CDH12: variants seen among roughly 807,000 people sequenced by gnomAD.
CDH12 encodes cadherin-12.
CDH12 carries 41 observed loss-of-function variants against 74.1 expected under a neutral mutation model. The observed-to-expected ratio is 0.55, with a 90% confidence interval of 0.43 to 0.72. The LOEUF (loss-of-function observed/expected upper bound fraction) is 0.72, where lower values mean the gene tolerates loss of function less well. Among genes scored for constraint, CDH12 ranks in the 30% least tolerant of loss-of-function variants. The pLI is 0.00. For synonymous variants in CDH12, 399 were observed against 355.0 expected (o/e 1.12, Z -1.39); for missense variants, 945 against 977.2 (o/e 0.97, Z 0.44).
At position 22,344,247 on chromosome 5, in the gene CDH12, G is replaced by T. The variant is rs1740011983; in HGVS notation, c.-333+61010C>A. The stretch of plus-strand genomic sequence containing the variant: ...TATACATTTTCAATTATTCTTGTGA[G>T]CCTTAAGGAAATCATGTTTGTTTTC... On this transcript the variant is annotated intron_variant, in intron 3 of 14. Transcript: ENST00000382254. Among the ~76,000 whole-genome samples the T allele has an allele frequency of 1.3e-5, 2 of 152,026 alleles. 1 individual carries two copies. Among genetic ancestry groups the T allele is most frequent in the South Asian group, 4.2e-4 (2 of 4,816 alleles).
chr5:22,545,420 T>C (rs116517029), intron 1 of CDH12, among the ~76,000 whole-genome samples: 3 of 152,180 alleles, frequency 2.0e-5, no homozygotes, highest in African/African-American at 2.4e-5. Flanking sequence ...AAATTTAATA[T>C]AGCAACAAAT....
chr5:22,563,312 G>C (rs1466210502), intron 1 of CDH12, among the ~76,000 whole-genome samples: 1 of 151,912 alleles, frequency 6.6e-6, no homozygotes, highest in African/African-American at 2.4e-5. Context: ...TTTTTGATTT[G>C]CATTTCTCTG....
At chr5:22,145,817 T>A (rs1390718948) in intron 4 of CDH12, among the ~76,000 whole-genome samples, 4 of 152,052 alleles carry the variant, frequency 2.6e-5, no homozygotes, top group Non-Finnish European at 4.4e-5. Context: ...AATTATCATC[T>A]TCACAGATGA....
chr5:22,759,716 C>T (rs1746108591), intron 1 of CDH12, among the ~76,000 whole-genome samples: 1 of 152,142 alleles, frequency 6.6e-6, no homozygotes, highest in Non-Finnish European at 1.5e-5. Context: ...ATGGTGTTAT[C>T]CCACTATTAG....
At chr5:22,654,252 C>CTCTT (rs1306649866) in intron 1 of CDH12, among the ~76,000 whole-genome samples, 6 of 134,384 alleles carry the variant, frequency 4.5e-5, no homozygotes, top group Non-Finnish European at 6.5e-5. Context: ...TTCTTTCTTT[C>CTCTT]TCTTTCTTGC....
rs898760118 is a variant in CDH12 at position 22,308,115 on chromosome 5, C to T, written c.-332-95472G>A. Among the ~76,000 whole-genome samples the T allele has an allele frequency of 4.0e-5, 6 of 151,876 alleles. No homozygotes were observed. In the South Asian group the frequency reaches 8.3e-4, roughly 21 times the overall value. Reference sequence around the variant, plus strand: ...CAGGATGGTCTTGATCTCCTGACCTCGTGATCTGCCCACCTCGGCCTCCCA... The same window carrying T: ...CAGGATGGTCTTGATCTCCTGACCTTGTGATCTGCCCACCTCGGCCTCCCA... On this transcript the variant is annotated intron_variant, in intron 3 of 14. Transcript: ENST00000382254.
At chr5:22,519,572 C>G (rs1056325314) in intron 1 of CDH12, among the ~76,000 whole-genome samples, 1 of 151,884 alleles carries the variant, frequency 6.6e-6, no homozygotes, top group Admixed American at 6.6e-5. Context: ...TACAGGCGCC[C>G]GTCACCACAC....
intron 5 of CDH12, among the ~76,000 whole-genome samples, chr5:22,014,490 T>C (rs570277654): frequency 9.2e-5 from 14 of 152,140 alleles, no homozygotes; most frequent in Non-Finnish European, 1.9e-4. Flanking sequence ...GAATGTATAT[T>C]GTGTGTATTC....
intron 4 of CDH12, among the ~76,000 whole-genome samples, chr5:22,141,715 G>A (rs1746808785): frequency 6.6e-6 from 1 of 152,108 alleles, no homozygotes; most frequent in Non-Finnish European, 1.5e-5. Flanking sequence ...AAAATATTTT[G>A]GAGTTAAAAA....
chr5:22,009,159 A>G (rs1011513388), intron 5 of CDH12, among the ~76,000 whole-genome samples: 1 of 152,106 alleles, frequency 6.6e-6, no homozygotes. Context: ...CGACTAATAT[A>G]CCCTGTTCTT....
At chr5:22,410,657 A>G (rs979451320) in intron 2 of CDH12, among the ~76,000 whole-genome samples, 2 of 152,104 alleles carry the variant, frequency 1.3e-5, no homozygotes, top group Non-Finnish European at 2.9e-5. Flanking sequence ...TCTCTAATTA[A>G]TCTGCCTTTT....
intron 1 of CDH12, among the ~76,000 whole-genome samples, chr5:22,803,517 A>G (rs892823684): frequency 7.2e-5 from 11 of 152,152 alleles, no homozygotes; most frequent in Middle Eastern, 3.2e-3. Context: ...TCAGACTCCA[A>G]GTTTTTGGTG....
At chr5:22,479,183 G>A (rs1473260457) in intron 2 of CDH12, among the ~76,000 whole-genome samples, 1 of 152,196 alleles carries the variant, frequency 6.6e-6, no homozygotes, top group Non-Finnish European at 1.5e-5. Context: ...AACTGCTGAA[G>A]ATAATAAGAT....
At chr5:22,220,553 T>C (rs1349071498) in intron 3 of CDH12, among the ~76,000 whole-genome samples, 1 of 151,422 alleles carries the variant, frequency 6.6e-6, no homozygotes, top group Non-Finnish European at 1.5e-5. Flanking sequence ...TTTTGGTGGT[T>C]GAGTGGTCAT....
At chr5:21,818,961 A>G (rs2149948958) in intron 8 of CDH12, among the ~76,000 whole-genome samples, 1 of 152,108 alleles carries the variant, frequency 6.6e-6, no homozygotes, top group East Asian at 1.9e-4. Flanking sequence ...TTATTGTTTT[A>G]TTTTTATTTC....
chr5:22,712,763 ATGTATAAGAGGTGAAGCTAG>A (rs1439852826), intron 1 of CDH12, among the ~76,000 whole-genome samples: 1 of 152,176 alleles, frequency 6.6e-6, no homozygotes, highest in Admixed American at 6.6e-5. Flanking sequence ...ATGTCACAAA[ATGTATAAGAGGTGAAGCTAG>A]GATGTGTACA....
At chr5:22,621,051 C>T (rs1471618152) in intron 1 of CDH12, among the ~76,000 whole-genome samples, 1 of 152,202 alleles carries the variant, frequency 6.6e-6, no homozygotes, top group African/African-American at 2.4e-5. Context: ...CTTGCATTTA[C>T]TTCTAGAGGT....
chr5:21,759,580 A>G (rs16888453), intron 13 of CDH12, among the ~76,000 whole-genome samples: 4,779 of 152,228 alleles, frequency 0.031, 91 homozygotes, highest in Middle Eastern at 0.058. Flanking sequence ...GTAAAATTGT[A>G]TACATTAAGA....
chr5:21,802,121 G>A (rs1170609767), intron 10 of CDH12, 46 bp downstream of exon 10: 1 of 1,562,776 alleles, frequency 6.4e-7, no homozygotes. Flanking sequence ...TTCTTGTTTT[G>A]TTTTGTTTTC....
Sources: gnomAD v4.1 joint callset for allele counts (sites outside exome capture counted in the v4.1 genomes callset) on GRCh38, gnomAD v4.1.1 for gene constraint, MANE v1.5 for transcripts, NCBI Gene and HGNC (gene_info 2026-07-23, HGNC 2026-07-21) for gene names.